Variants in ERAP1 observed in about 807,000 individuals in gnomAD.
The protein encoded by ERAP1 is endoplasmic reticulum aminopeptidase 1.
A neutral mutation model predicts 103.7 loss-of-function variants in ERAP1; 86 were observed. The ratio of observed to expected loss-of-function variants is 0.83; its 90% CI spans 0.70 to 0.99. ERAP1 has a LOEUF of 0.99. ERAP1 is among the 50% of genes least tolerant of loss of function. ERAP1 has a pLI of 0.00. For synonymous variants in ERAP1, 398 were observed against 402.4 expected, an observed-to-expected ratio of 0.99 and a Z score of 0.13; for missense variants, 1,009 against 1,128.4, an observed-to-expected ratio of 0.89 and a Z score of 1.52.
chr5:96,822,977 C>T, the ERAP1 span: 9 of 449,494 alleles, frequency 2.0e-5, no homozygotes, highest in African/African-American at 1.4e-4. Context: ...CAGTCTCACT[C>T]AGGTTGTTGG....
the ERAP1 span, chr5:96,873,422 T>G: frequency 0.085 from 38,880 of 455,276 alleles, 1,873 homozygotes; most frequent in Middle Eastern, 0.14. Flanking sequence ...CTCAGATGAG[T>G]GCCAGTAGAC....
the ERAP1 span, among the ~76,000 whole-genome samples, chr5:96,882,424 T>C: frequency 6.6e-6 from 1 of 152,190 alleles, no homozygotes; most frequent in Non-Finnish European, 1.5e-5. Context: ...GTTCCCTTCA[T>C]ACTCAGTCAC....
the ERAP1 span, among the ~76,000 whole-genome samples, chr5:96,920,020 G>C: frequency 6.6e-6 from 1 of 152,150 alleles, no homozygotes; most frequent in African/African-American, 2.4e-5. Flanking sequence ...TGACCCTCAA[G>C]AGTCTAACTA....
At chr5:96,766,017 A>G in intron 19 of ERAP1, 1 of 1,147,048 alleles carries the variant, frequency 8.7e-7, no homozygotes, top group East Asian at 2.4e-5. Flanking sequence ...GAAAGAGGAA[A>G]TGAATATTAA....
rs567229864 is a variant in ERAP1, at chr5:96,765,374, A to G, written c.2819-2146T>C. 26 of 898,134 alleles carry G rather than the reference A, an allele frequency of 2.9e-5. No individual in the cohort carries two copies. The African/African-American group carries it at 4.5e-4, about 16-fold the overall frequency. 55.6% of individuals were successfully genotyped at this position (898,134 alleles called of 1,614,324 possible). A position where few individuals can be genotyped will look rare whatever the true frequency, so the allele number is the denominator to read the frequency against. Reference sequence around the variant, plus strand: ...AAAAATTCACTAATAGTGAAATTTTAATCCTTGGGTCTTGACTCTGTCATT... The same window carrying G: ...AAAAATTCACTAATAGTGAAATTTTGATCCTTGGGTCTTGACTCTGTCATT... On this transcript the variant is annotated intron_variant, in intron 19 of 19. Coordinates refer to the ERAP1 transcript ENST00000296754.
At chr5:96,848,875 A>G in the ERAP1 span, 9 of 126,156 alleles carry the variant, frequency 7.1e-5, no homozygotes, top group Non-Finnish European at 1.6e-4. Context: ...AGATGCAAAA[A>G]TTTTTAATAA....
In ERAP1 at chr5:96,795,159, A is replaced by G. The variant is rs1405466146; in HGVS notation, c.802T>C (p.Ser268Pro). 1 of 1,613,582 alleles carries G rather than the reference A, an allele frequency of 6.2e-7. No homozygotes were observed. Among genetic ancestry groups the G allele is most frequent in the Admixed American group, 1.7e-5 (1 of 60,020 alleles). ...SKITKSGVKV[S>P]VYAVPDKINQ... ...ATCTTGTCTGGCACAGCATAAACAG[A>G]AACCTAAAGAGAAAGGCACAGAAAG... The change falls in exon 5 of 19, where the codon TCT becomes CCT. Residue 268 changes from serine (S) to proline (P), a missense_variant. Transcript: ENST00000443439.
rs890160864 is a variant in ERAP1, at chr5:96,775,793, A to T, written c.*603T>A. On this transcript the variant is annotated 3_prime_UTR_variant, in exon 19 of 19. Transcript: ENST00000443439. ...GCATCCCGCAAGGGAATCAGGGAAG[A>T]ACACCTCCACCTACTACCTCCTCCG... The T allele has an allele frequency of 3.8e-6, 1 of 262,652 alleles. No homozygotes were observed. 16.3% of individuals were successfully genotyped at this position (262,652 alleles called of 1,614,324 possible).
intron 1 of ERAP1, among the ~76,000 whole-genome samples, chr5:96,805,305 T>C (rs1052467164): frequency 6.6e-6 from 1 of 151,344 alleles, no homozygotes; most frequent in African/African-American, 2.4e-5. Flanking sequence ...GGTGATAAGA[T>C]CGGGGTATGG....
upstream of ERAP1, among the ~76,000 whole-genome samples, chr5:96,812,608 C>A (rs1248917706): frequency 6.6e-6 from 1 of 152,114 alleles, no homozygotes; most frequent in African/African-American, 2.4e-5. Context: ...AACTGTCTTG[C>A]CTTAGCTATA....
chr5:96,921,883 G>T, the ERAP1 span, among the ~76,000 whole-genome samples: 13 of 152,194 alleles, frequency 8.5e-5, 1 homozygote, highest in Admixed American at 7.9e-4. Context: ...GTCATCCAAA[G>T]AATACCACAG....
chr5:96,867,418 G>A, the ERAP1 span, among the ~76,000 whole-genome samples: 1 of 152,166 alleles, frequency 6.6e-6, no homozygotes, highest in Non-Finnish European at 1.5e-5. Flanking sequence ...GTTTTTATAG[G>A]TCAAGAATTT....
the ERAP1 span, among the ~76,000 whole-genome samples, chr5:96,822,747 C>T: frequency 3.9e-5 from 6 of 152,136 alleles, no homozygotes; most frequent in Non-Finnish European, 8.8e-5. Flanking sequence ...AAAGACATAC[C>T]CGAGACTGGG....
chr5:96,915,591 CAT>C, the ERAP1 span: 27 of 570,200 alleles, frequency 4.7e-5, no homozygotes, highest in East Asian at 5.6e-4. Flanking sequence ...AAGCTTATCA[CAT>C]AGTTATTAAT....
chr5:96,896,965 T>TAAGTCATATGTTGGGTAACGATACACTG, the ERAP1 span: 2 of 987,684 alleles, frequency 2.0e-6, no homozygotes, highest in Non-Finnish European at 2.8e-6. Context: ...GTCAACCATA[T>TAAGTCATATGTTGGGTAACGATACACTG]TTATTCTGCT....
exon 20 of ERAP1, chr5:96,762,648 C>A (rs1466505655): frequency 1.1e-4 from 42 of 373,016 alleles, no homozygotes; most frequent in Non-Finnish European, 1.9e-4. Flanking sequence ...CAATAAAGTG[C>A]ATTGTGTCTA....
downstream of ERAP1, chr5:96,770,388 A>G: frequency 1.7e-6 from 1 of 596,564 alleles, no homozygotes; most frequent in Admixed American, 2.8e-5. Flanking sequence ...GTTCAAAAAA[A>G]ATCATGAAAA....
At chr5:96,873,222 A>C in the ERAP1 span, 3 of 391,362 alleles carry the variant, frequency 7.7e-6, no homozygotes, top group Non-Finnish European at 1.0e-5. Context: ...TGAAATCTTT[A>C]AAATATTTTG....
At chr5:96,803,988 T>A in intron 1 of ERAP1, 45 bp from the exon 2 acceptor site, 1 of 1,584,522 alleles carries the variant, frequency 6.3e-7, no homozygotes, top group Non-Finnish European at 8.6e-7. Flanking sequence ...GTCATTAAAA[T>A]GTTATTGACA....
Sources: allele counts gnomAD v4.1 joint callset (sites outside exome capture counted in the v4.1 genomes callset), GRCh38; gene constraint gnomAD v4.1.1; transcripts MANE v1.5; gene names NCBI Gene and HGNC (gene_info 2026-07-23, HGNC 2026-07-21).